The following FRG1 variants were observed in gnomAD, a reference collection of about 807,000 sequenced individuals.
FRG1 encodes the protein FSHD region gene 1.
In FRG1, 19 loss-of-function variants were observed where a neutral mutation model predicts 37.0. The ratio of observed to expected loss-of-function variants is 0.51; its 90% CI spans 0.36 to 0.75. The LOEUF (loss-of-function observed/expected upper bound fraction) is 0.75. Ranked by LOEUF, FRG1 falls within the 30% of genes least tolerant of loss-of-function variation. The pLI is 0.00. For synonymous variants in FRG1, 73 were observed against 96.5 expected (o/e 0.76, Z 1.43); for missense variants, 243 against 301.4 (o/e 0.81, Z 1.44).
intron 2 of FRG1, among the ~76,000 whole-genome samples, chr4:189,944,454 C>T (rs1487517829): frequency 6.6e-6 from 1 of 151,618 alleles, no homozygotes; most frequent in Non-Finnish European, 1.5e-5. Context: ...TGGTTACTGT[C>T]TTATGTCTTT....
intron 2 of FRG1, among the ~76,000 whole-genome samples, chr4:189,947,322 G>A (rs60554210): frequency 1.3e-4 from 7 of 54,224 alleles, no homozygotes; most frequent in Non-Finnish European, 2.2e-4. Context: ...TTTTGAAGCC[G>A]TCATGTGTAC....
chr4:189,949,243 C>T (rs1697889677), intron 2 of FRG1, among the ~76,000 whole-genome samples: 1 of 152,198 alleles, frequency 6.6e-6, no homozygotes, highest in Admixed American at 6.5e-5. Context: ...ACTGCTTTCT[C>T]ACAGCTAAAA....
chr4:189,947,478 G>A (rs149182218), intron 2 of FRG1, among the ~76,000 whole-genome samples: 4,174 of 152,232 alleles, frequency 0.027, 191 homozygotes, highest in African/African-American at 0.093. Context: ...TTGTTAGTTT[G>A]TGCTTATTTA....
At chr4:189,957,873 G>A (rs76314795) in intron 6 of FRG1, among the ~76,000 whole-genome samples, 1 of 152,022 alleles carries the variant, frequency 6.6e-6, no homozygotes, top group African/African-American at 2.4e-5. Flanking sequence ...ATAAAAGCAT[G>A]TGAAGACGTA....
intron 1 of FRG1, 136 bp from the exon 2 acceptor site, chr4:189,943,066 G>A (rs1355887398): frequency 9.9e-6 from 9 of 912,092 alleles, no homozygotes; most frequent in Non-Finnish European, 1.5e-5. Flanking sequence ...TATTTAAGAG[G>A]GCATATCAAT....
At chr4:189,949,569 T>G (rs1736666958) in intron 2 of FRG1, among the ~76,000 whole-genome samples, 1 of 152,196 alleles carries the variant, frequency 6.6e-6, no homozygotes, top group South Asian at 2.1e-4. Flanking sequence ...TGCAAAACAT[T>G]AATGAGTTAT....
At chr4:189,956,408 T>G (rs542053747) in intron 5 of FRG1, among the ~76,000 whole-genome samples, 33 of 152,308 alleles carry the variant, frequency 2.2e-4, no homozygotes, top group African/African-American at 7.7e-4. Context: ...AATACAACAC[T>G]TTAGGAAAGT....
intron 2 of FRG1, among the ~76,000 whole-genome samples, chr4:189,950,953 G>A (rs550997361): frequency 1.3e-5 from 2 of 152,076 alleles, no homozygotes; most frequent in East Asian, 3.9e-4. Context: ...GTCATTATCA[G>A]ACCTTGTAAA....
rs1488936450 is a variant in FRG1 at position 189,963,078 on chromosome 4, T to C, written c.741-15T>C. 6.3e-7 allele frequency: 1 copy of C among 1,591,764 alleles called. No homozygotes were observed. Among genetic ancestry groups the C allele is most frequent in the African/African-American group, 1.3e-5 (1 of 74,118 alleles). ...GTTTTACATAGATTAATTTTATTTT[T>C]CTTTGTTTAAACAGGAGAGCCAAAT... On this transcript the variant is annotated splice_polypyrimidine_tract_variant and intron_variant, in intron 8 of 8. Coordinates refer to ENST00000226798, the MANE Select transcript of FRG1 (RefSeq NM_004477.3).
intron 2 of FRG1, among the ~76,000 whole-genome samples, chr4:189,949,575 GTTA>G (rs1736667397): frequency 6.6e-6 from 1 of 152,120 alleles, no homozygotes; most frequent in Non-Finnish European, 1.5e-5. Flanking sequence ...ACATTAATGA[GTTA>G]TTATATTTAA....
At chr4:189,952,132 T>G (rs531836083) in intron 2 of FRG1, 30 bp from the exon 3 acceptor site, 6 of 1,490,290 alleles carry the variant, frequency 4.0e-6, no homozygotes, top group South Asian at 3.9e-5. Flanking sequence ...AACTAAAATA[T>G]AAAGTTGAAA....
intron 4 of FRG1, among the ~76,000 whole-genome samples, chr4:189,954,168 A>G (rs891212135): frequency 4.6e-5 from 7 of 152,250 alleles, no homozygotes; most frequent in African/African-American, 1.7e-4. Context: ...TGTTTTTTCC[A>G]TATCAGGTTT....
At chr4:189,955,309 C>G (rs1459425595) in intron 5 of FRG1, among the ~76,000 whole-genome samples, 158 bp downstream of exon 5, 2 of 152,174 alleles carry the variant, frequency 1.3e-5, no homozygotes, top group Non-Finnish European at 2.9e-5. Context: ...AAAGAGATCT[C>G]AAAATATAGT....
intron 4 of FRG1, among the ~76,000 whole-genome samples, chr4:189,954,692 T>A (rs1459636727): frequency 1.3e-5 from 2 of 151,270 alleles, no homozygotes; most frequent in Admixed American, 6.6e-5. Flanking sequence ...ATTTCTGGGC[T>A]CAAGCAATCC....
chr4:189,941,883 A>T, intron 1 of FRG1: 1 of 441,834 alleles, frequency 2.3e-6, no homozygotes, highest in Non-Finnish European at 4.5e-6. Context: ...GGTCTCCGTG[A>T]TAAACAGAGG....
At chr4:189,950,638 T>G (rs1276318666) in intron 2 of FRG1, among the ~76,000 whole-genome samples, 2 of 152,182 alleles carry the variant, frequency 1.3e-5, no homozygotes, top group Non-Finnish European at 2.9e-5. Flanking sequence ...GAATAGAAAA[T>G]TTTGTGCAGT....
chr4:189,942,013 T>A (rs2126794873), intron 1 of FRG1: 1 of 217,382 alleles, frequency 4.6e-6, no homozygotes, highest in East Asian at 1.5e-4. Flanking sequence ...AGGTTTATCC[T>A]GAATGAATGT....
chr4:189,960,836 A>G lies in FRG1; in HGVS notation c.626A>G (p.Tyr209Cys). The G allele has an allele frequency of 2.5e-6, 4 of 1,604,846 alleles. No individual in the cohort carries two copies. Among genetic ancestry groups the G allele is most frequent in the Non-Finnish European group, 3.4e-6 (4 of 1,177,956 alleles). ...AATGTAAAACAATGTGAAATCAATT[A>G]TGTGTATGTATTCTTTTCCTTTTAG... ...KGNVKQCEIN[Y>C]VKKFQSFQDH... Residue 209 changes from tyrosine to cysteine, a missense_variant, in exon 7 of 9, where the codon TAT (tyrosine) becomes TGT (cysteine). Around this residue, in one of 2 missense-constraint regions of FRG1, gnomAD observed 133 missense variants for 199.3 expected, o/e 0.67. Transcript: ENST00000226798.
chr4:189,956,148 C>G (rs905058228), intron 5 of FRG1, among the ~76,000 whole-genome samples: 1 of 152,174 alleles, frequency 6.6e-6, no homozygotes, highest in African/African-American at 2.4e-5. Context: ...ACTTACTTAT[C>G]CATGTGTTAT....
Sources: allele counts gnomAD v4.1 joint callset (sites outside exome capture counted in the v4.1 genomes callset), GRCh38; gene constraint gnomAD v4.1.1; regional missense constraint gnomAD v4.1.1; transcripts MANE v1.5; gene names NCBI Gene and HGNC (gene_info 2026-07-23, HGNC 2026-07-21).